Variants in KIF14 observed in about 807,000 individuals in gnomAD.
KIF14 encodes the protein kinesin family member 14.
KIF14 carries 98 observed loss-of-function variants against 176.2 expected under a neutral mutation model. The observed-to-expected ratio is 0.56, with a 90% CI of 0.47 to 0.66. The LOEUF (loss-of-function observed/expected upper bound fraction) is 0.66, where lower values mean the gene tolerates loss of function less well. Ranked by LOEUF, KIF14 falls within the 30% of genes least tolerant of loss-of-function variation. The pLI, the probability that KIF14 is intolerant of heterozygous loss-of-function variation, is 0.00. For synonymous variants in KIF14, 566 were observed against 632.2 expected, an observed-to-expected ratio of 0.90 and a Z score of 1.57; for missense variants, 1,751 against 1,920.4, an observed-to-expected ratio of 0.91 and a Z score of 1.65.
rs189379882 is a variant in KIF14, at chr1:200,585,014, A to G, written c.3241+1087T>C. 2.3e-3 allele frequency among the ~76,000 whole-genome samples: 356 copies of G among 152,328 alleles called. 1 individual carries two copies. Among genetic ancestry groups the G allele is most frequent in the African/African-American group, 8.1e-3 (336 of 41,572 alleles). Reference sequence around the variant, plus strand: ...AGATAAATACTATATGATCTCACTTATATGTGGAATCTAAAAATGTTAAAC... The same window carrying G: ...AGATAAATACTATATGATCTCACTTGTATGTGGAATCTAAAAATGTTAAAC... On this transcript the variant is annotated intron_variant, in intron 19 of 29. Coordinates refer to ENST00000367350, the MANE Select transcript of KIF14 (RefSeq NM_014875.3).
At chr1:200,601,839 T>G (rs12141570) in intron 11 of KIF14, 57 bp downstream of exon 11, 2 of 1,336,736 alleles carry the variant, frequency 1.5e-6, no homozygotes, top group Non-Finnish European at 2.1e-6. Flanking sequence ...AGACTGCAAC[T>G]AATATCTGGG....
chr1:200,554,163 G>A (rs1656704393), intron 29 of KIF14, among the ~76,000 whole-genome samples: 1 of 152,144 alleles, frequency 6.6e-6, no homozygotes, highest in Non-Finnish European at 1.5e-5. Context: ...GGCCAAGGTG[G>A]GTGAATTGTT....
Position 200,618,687 on chromosome 1 carries a change from C to T in KIF14, c.37G>A (p.Gly13Ser), listed in dbSNP as rs1045969869. 12 of 1,611,386 alleles carry T rather than the reference C, an allele frequency of 7.4e-6. No homozygotes were observed. In the East Asian group the frequency reaches 1.1e-4, roughly 15 times the overall value. The change falls in exon 2 of 30, where the codon GGT becomes AGT. Residue 13 changes from glycine to serine, a missense_variant. By Grantham distance (56) the Gly-to-Ser change is moderately conservative (BLOSUM62 0). Coordinates refer to ENST00000367350, the MANE Select transcript of KIF14 (RefSeq NM_014875.3). ...LHSTHNRNNS[G>S]DILDIPSSQN... is the part of the protein sequence containing the mutation. ...GAAGAAGGAATATCAAGAATATCACCGCTGTTATTTCTATTATGAGTACTG... is the reference window on the plus strand; with the variant it reads ...GAAGAAGGAATATCAAGAATATCACTGCTGTTATTTCTATTATGAGTACTG...
Position 200,552,075 on chromosome 1 carries a change from C to G in KIF14, c.*1313G>C, listed in dbSNP as rs1656560850. 1 of 152,088 alleles carries G rather than the reference C, an allele frequency of 6.6e-6. No individual in the cohort carries two copies. The highest frequency in any genetic ancestry group is 6.5e-5 in the Admixed American group (1 of 15,276). 9.4% of individuals were successfully genotyped at this position (152,088 alleles called of 1,614,324 possible). On this transcript the variant is annotated 3_prime_UTR_variant, in exon 30 of 30. Transcript: ENST00000367350. ...TCATGGTACGAATGGCCAATTTCAA[C>G]TAGTTATGCCAAATGTACAAGTAGT...
chr1:200,612,530 T>G (rs1660205204), intron 4 of KIF14, among the ~76,000 whole-genome samples: 2 of 152,234 alleles, frequency 1.3e-5, no homozygotes, highest in Admixed American at 1.3e-4. Flanking sequence ...CCCACTAAAC[T>G]TGGACTTGAA....
At chr1:200,589,575 C>T (rs1177321330) in intron 17 of KIF14, among the ~76,000 whole-genome samples, 1 of 151,480 alleles carries the variant, frequency 6.6e-6, no homozygotes, top group Non-Finnish European at 1.5e-5. Flanking sequence ...TTCCAATAAA[C>T]CATGGAGACA....
intron 21 of KIF14, 24 bp from the exon 22 acceptor site, chr1:200,575,715 T>G (rs745491504): frequency 7.6e-7 from 1 of 1,322,640 alleles, no homozygotes; most frequent in Non-Finnish European, 1.0e-6. Context: ...AATATATAGT[T>G]TCAGTAAATT....
At chr1:200,613,889 T>C (rs1660278340) in intron 4 of KIF14, among the ~76,000 whole-genome samples, 1 of 152,104 alleles carries the variant, frequency 6.6e-6, no homozygotes, top group South Asian at 2.1e-4. Flanking sequence ...TGTAGTAGAG[T>C]GGAAAAAGCA....
chr1:200,586,335 C>A, intron 18 of KIF14, 108 bp from the exon 19 acceptor site: 1 of 924,974 alleles, frequency 1.1e-6, no homozygotes, highest in Non-Finnish European at 1.6e-6. Flanking sequence ...CTACAGTAAC[C>A]ATTTTACAAT....
intron 22 of KIF14, among the ~76,000 whole-genome samples, chr1:200,575,287 T>C (rs764722237): frequency 8.5e-5 from 13 of 152,100 alleles, no homozygotes; most frequent in Non-Finnish European, 1.5e-4. Context: ...ATAAATACTG[T>C]TCATTTTTAC....
chr1:200,552,059 G>A lies in KIF14; in HGVS notation c.*1329C>T, dbSNP rs969294787. On this transcript the variant is annotated 3_prime_UTR_variant, in exon 30 of 30. Transcript: ENST00000367350. ...AAACTATCAGATTTATTCATGGTAC[G>A]AATGGCCAATTTCAACTAGTTATGC... The A allele has an allele frequency of 1.3e-5, 2 of 152,138 alleles. No individual in the cohort carries two copies. Among genetic ancestry groups the A allele is most frequent in the Non-Finnish European group, 2.9e-5 (2 of 68,024 alleles). 9.4% of individuals were successfully genotyped at this position (152,138 alleles called of 1,614,324 possible).
intron 14 of KIF14, among the ~76,000 whole-genome samples, chr1:200,595,816 C>T (rs1221323200): frequency 6.7e-6 from 1 of 149,742 alleles, no homozygotes; most frequent in Non-Finnish European, 1.5e-5. Context: ...GGCATGGTGG[C>T]TGCTACTCAG....
Position 200,575,585 on chromosome 1 carries a change from CTT to C in KIF14, c.3566+4_3566+5del. 6.4e-7 allele frequency: 1 copy of C among 1,561,318 alleles called. No homozygotes were observed. The highest frequency in any genetic ancestry group is 8.7e-7 in the Non-Finnish European group (1 of 1,145,748). ...GCAAGAAAACTAGTAACAAAATTGT[CTT>C]TACCTCCTTCTAGAAAGTGAAGAAA... On this transcript the variant is annotated splice_donor_5th_base_variant and intron_variant, in intron 22 of 29. Coordinates refer to ENST00000367350, the MANE Select transcript of KIF14 (RefSeq NM_014875.3).
intron 4 of KIF14, among the ~76,000 whole-genome samples, chr1:200,612,881 C>CTTTTTTT (rs58120760): frequency 3.2e-4 from 25 of 79,122 alleles, no homozygotes; most frequent in African/African-American, 6.8e-4. Context: ...AGTTTATTCT[C>CTTTTTTT]TTTTTTTTTT....
intron 26 of KIF14, among the ~76,000 whole-genome samples, chr1:200,560,137 T>C (rs532415922): frequency 2.6e-5 from 4 of 152,356 alleles, no homozygotes; most frequent in African/African-American, 9.6e-5. Context: ...TATCTGGTAT[T>C]ACAACGTTTT....
intron 4 of KIF14, among the ~76,000 whole-genome samples, chr1:200,612,800 A>G (rs944256126): frequency 6.6e-6 from 1 of 151,952 alleles, no homozygotes; most frequent in Non-Finnish European, 1.5e-5. Context: ...TCCATTTCCA[A>G]TAATCAGCAA....
Position 200,553,247 on chromosome 1 carries a change from G to T in KIF14, c.*141C>A. 1 of 904,758 alleles carries T rather than the reference G, an allele frequency of 1.1e-6. No individual in the cohort carries two copies. The highest frequency in any genetic ancestry group is 1.6e-6 in the Non-Finnish European group (1 of 617,178). The allele number at this position is 904,758 out of a possible 1,614,324, so 56.0% of individuals were successfully genotyped here. A position where few individuals can be genotyped will look rare whatever the true frequency, so the allele number is the denominator to read the frequency against. ...CACTGTGTCTGGCCTTTGATAAATA[G>T]ATATTTTAAAGATAAAAAGACATGG... On this transcript the variant is annotated 3_prime_UTR_variant, in exon 30 of 30. Transcript: ENST00000367350.
At chr1:200,605,250 C>A (rs190422708) in intron 8 of KIF14, 33 bp downstream of exon 8, 1 of 1,557,452 alleles carries the variant, frequency 6.4e-7, no homozygotes, top group Non-Finnish European at 8.8e-7. Flanking sequence ...AGGGTGAAAA[C>A]TGAAAGAGAT....
At position 200,617,887 on chromosome 1, in the gene KIF14, T is replaced by G. The variant is rs1660484722; in HGVS notation, c.837A>C (p.Thr279=). 1 of 1,614,072 alleles carries G rather than the reference T, an allele frequency of 6.2e-7. No individual in the cohort carries two copies. Among genetic ancestry groups the G allele is most frequent in the Non-Finnish European group, 8.5e-7 (1 of 1,180,046 alleles). The change falls in exon 2 of 30, where the codon ACA becomes ACC. Residue 279 remains threonine (T), a synonymous_variant. Transcript: ENST00000367350. ...TCAGTTTGTGTTCTGTTGTACATTT[T>G]GTAGGTGTTCTTTTTTCTAAGCTCC... ...KFGSLEKRTP[T]KCTTEHKLTT...
Sources: gnomAD v4.1 joint callset for allele counts (sites outside exome capture counted in the v4.1 genomes callset) on GRCh38, gnomAD v4.1.1 for gene constraint, MANE v1.5 for transcripts, NCBI Gene and HGNC (gene_info 2026-07-23, HGNC 2026-07-21) for gene names.